C2orf72: variants seen among roughly 807,000 people sequenced by gnomAD.
The protein encoded by C2orf72 is chromosome 2 open reading frame 72, also known as uncharacterized protein C2orf72.
Under a neutral mutation model 14.4 loss-of-function variants are expected in C2orf72, and 16 were observed. The observed-to-expected ratio is 1.11, with a 90% confidence interval of 0.75 to 1.69. C2orf72 has a LOEUF of 1.69. Among genes scored for constraint, C2orf72 ranks in the 40% most tolerant of loss-of-function variants. The pLI, the probability that C2orf72 is intolerant of heterozygous loss-of-function variation, is 0.00. For synonymous variants in C2orf72, 168 were observed against 176.8 expected (o/e 0.95, Z 0.40); for missense variants, 371 against 358.3 (o/e 1.04, Z -0.29).
rs1218835248 is a variant in C2orf72, at chr2:231,037,907, G to A, written c.342G>A (p.Ser114=). The A allele has an allele frequency of 9.8e-7, 1 of 1,023,734 alleles. No homozygotes were observed. Among genetic ancestry groups the A allele is most frequent in the Non-Finnish European group, 1.2e-6 (1 of 856,662 alleles). The allele number at this position is 1,023,734 out of a possible 1,614,324, so 63.4% of individuals were successfully genotyped here. The change falls in exon 1 of 3, where the codon TCG becomes TCA. Residue 114 remains serine (S), a synonymous_variant. Transcript: ENST00000373640. ...TGGTCTTCGTGCTGTGCCGCGCGTCGTCGCTGGCCGCCCGGGAGCCGCGGC... is the reference window on the plus strand; with the variant it reads ...TGGTCTTCGTGCTGTGCCGCGCGTCATCGCTGGCCGCCCGGGAGCCGCGGC... ...SPLVFVLCRA[S]SLAAREPRRR...
At chr2:231,041,673 G>A (rs922539129) in intron 2 of C2orf72, among the ~76,000 whole-genome samples, 1 of 152,038 alleles carries the variant, frequency 6.6e-6, no homozygotes, top group Non-Finnish European at 1.5e-5. Flanking sequence ...GTCTCCAGGA[G>A]CATGGTGGGG....
chr2:231,042,571 GC>G (rs766362784), intron 2 of C2orf72, among the ~76,000 whole-genome samples: 1 of 152,326 alleles, frequency 6.6e-6, no homozygotes, highest in Non-Finnish European at 1.5e-5. Context: ...AATGCACACA[GC>G]CCATCCCAAA....
Position 231,037,556 on chromosome 2 carries a change from G to A in C2orf72, c.-10G>A. On this transcript the variant is annotated 5_prime_UTR_variant, in exon 1 of 3. Coordinates refer to ENST00000373640, the MANE Select transcript of C2orf72 (RefSeq NM_001144994.2). ...GCCGCGGCGGCCGCAGAGGGCGGGC[G>A]GCGGCCAGCATGGAGCGCGAGCTGG... The A allele has an allele frequency of 5.9e-6, 6 of 1,010,250 alleles. No individual in the cohort carries two copies. Among genetic ancestry groups the A allele is most frequent in the Non-Finnish European group, 7.1e-6 (6 of 848,284 alleles). 62.6% of individuals were successfully genotyped at this position (1,010,250 alleles called of 1,614,324 possible).
In C2orf72 at chr2:231,047,554, A is replaced by ATG. The variant is rs780462466; in HGVS notation, c.*543_*544dup. 2 of 270,826 alleles carry ATG rather than the reference A, an allele frequency of 7.4e-6. No individual in the cohort carries two copies. Among genetic ancestry groups the ATG allele is most frequent in the Admixed American group, 4.8e-5 (1 of 20,896 alleles). The allele number at this position is 270,826 out of a possible 1,614,324, so 16.8% of individuals were successfully genotyped here. A position where few individuals can be genotyped will look rare whatever the true frequency, so the allele number is the denominator to read the frequency against. ...GTTGTCCCTCCAGGCAGCATTGGAA[A>ATG]TGTGTGTGTGTTGAGGGGGTCACAG... On this transcript the variant is annotated 3_prime_UTR_variant, in exon 3 of 3. Transcript: ENST00000373640.
intron 2 of C2orf72, among the ~76,000 whole-genome samples, chr2:231,043,515 G>C (rs1016996158): frequency 1.8e-4 from 28 of 151,936 alleles, no homozygotes; most frequent in Admixed American, 2.6e-4. Flanking sequence ...CTCTCCTTGT[G>C]CTCTTTAAAA....
At chr2:231,040,362 C>G (rs1336434406) in intron 1 of C2orf72, among the ~76,000 whole-genome samples, 1 of 152,220 alleles carries the variant, frequency 6.6e-6, no homozygotes. Context: ...TGAATGAATC[C>G]TCCCTTCCTT....
rs1184247074 is a variant in C2orf72 at position 231,048,018 on chromosome 2, T to C, written c.*997T>C. 6.6e-6 allele frequency: 1 copy of C among 152,284 alleles called. No homozygotes were observed. The highest frequency in any genetic ancestry group is 1.9e-4 in the East Asian group (1 of 5,202). The allele number at this position is 152,284 out of a possible 1,614,324, so 9.4% of individuals were successfully genotyped here. On this transcript the variant is annotated 3_prime_UTR_variant, in exon 3 of 3. Coordinates refer to ENST00000373640, the MANE Select transcript of C2orf72 (RefSeq NM_001144994.2). ...TTGGACTACTGGGTATAGGACTTGCTCTAGCTCTCAGGTCCTAGCCCAAGC... is the reference window on the plus strand; with the variant it reads ...TTGGACTACTGGGTATAGGACTTGCCCTAGCTCTCAGGTCCTAGCCCAAGC...
Position 231,046,922 on chromosome 2 carries a change from CAT to C in C2orf72, c.792_793del (p.Phe265SerfsTer6). The C allele has an allele frequency of 2.6e-6, 4 of 1,551,656 alleles. No homozygotes were observed. The South Asian group carries it at 4.8e-5, about 18-fold the overall frequency. On this transcript the variant is annotated frameshift_variant, in exon 3 of 3. Coordinates refer to ENST00000373640, the MANE Select transcript of C2orf72 (RefSeq NM_001144994.2). LOFTEE classifies it low-confidence loss of function (END_TRUNC). ...CTGAGGAGGAGCTGCCACTAACAGC[CAT>C]ATTTCCCAATGGAGACTGTGATGAC... is the stretch of plus-strand genomic sequence containing the variant. ...EPEEELPLTA[I>X]FPNGDCDDLG...
chr2:231,041,397 A>G lies in C2orf72; in HGVS notation c.736A>G (p.Ser246Gly). ...RKNQDVAACR[S>G]SAQEDFQEPE... is the part of the protein sequence containing the mutation. ...GAACCAGGATGTTGCTGCCTGCAGAAGCTCAGCTCAGGGTGAGTGCTCCCC... is the reference window on the plus strand; with the variant it reads ...GAACCAGGATGTTGCTGCCTGCAGAGGCTCAGCTCAGGGTGAGTGCTCCCC... Residue 246 changes from serine (S) to glycine (G), a missense_variant, in exon 2 of 3, where the codon AGC (serine) becomes GGC (glycine). By Grantham distance (56) the Ser-to-Gly change is moderately conservative. Transcript: ENST00000373640. 6 of 1,551,164 alleles carry G rather than the reference A, an allele frequency of 3.9e-6. No homozygotes were observed. The highest frequency in any genetic ancestry group is 4.4e-6 in the Non-Finnish European group (5 of 1,146,748).
Position 231,047,568 on chromosome 2 carries a change from AG to A in C2orf72, c.*552del. ...CAGCATTGGAAATGTGTGTGTGTTG[AG>A]GGGGTCACAGTGACTGTGGGGGCAC... On this transcript the variant is annotated 3_prime_UTR_variant, in exon 3 of 3. Coordinates refer to ENST00000373640, the MANE Select transcript of C2orf72 (RefSeq NM_001144994.2). 4.0e-6 allele frequency: 1 copy of A among 249,850 alleles called. No homozygotes were observed. The highest frequency in any genetic ancestry group is 8.0e-6 in the Non-Finnish European group (1 of 124,546). 15.5% of individuals were successfully genotyped at this position (249,850 alleles called of 1,614,324 possible). A position where few individuals can be genotyped will look rare whatever the true frequency, so the allele number is the denominator to read the frequency against.
At chr2:231,044,362 G>A (rs1194356497) in intron 2 of C2orf72, among the ~76,000 whole-genome samples, 1 of 151,640 alleles carries the variant, frequency 6.6e-6, no homozygotes, top group Non-Finnish European at 1.5e-5. Flanking sequence ...TGATTTTTTG[G>A]CCAGGCATGA....
rs557992405 is a variant in C2orf72, at chr2:231,038,458, G to T, written c.634+259G>T. ...GCTGAGGGGCCGAGTAGAAGGCAGAGGGAGTGGGTAGAGAGAAGGGATGAA... is the reference window on the plus strand; with the variant it reads ...GCTGAGGGGCCGAGTAGAAGGCAGATGGAGTGGGTAGAGAGAAGGGATGAA... On this transcript the variant is annotated intron_variant, in intron 1 of 2. Coordinates refer to ENST00000373640, the MANE Select transcript of C2orf72 (RefSeq NM_001144994.2). Among the ~76,000 whole-genome samples the T allele has an allele frequency of 1.7e-3, 251 of 151,458 alleles. 2 individuals carry two copies. The highest frequency in any genetic ancestry group is 6.0e-3 in the African/African-American group (247 of 41,268).
chr2:231,038,805 T>A (rs1693297494), intron 1 of C2orf72, among the ~76,000 whole-genome samples: 1 of 152,110 alleles, frequency 6.6e-6, no homozygotes, highest in East Asian at 1.9e-4. Flanking sequence ...GTACATTTTC[T>A]ATTGATTTCT....
intron 1 of C2orf72, 51 bp from the exon 2 acceptor site, chr2:231,041,245 G>T (rs1025570398): frequency 7.6e-7 from 1 of 1,320,944 alleles, no homozygotes; most frequent in Admixed American, 2.3e-5. Context: ...TCTCAGTCTT[G>T]TGAAGTGGGA....
intron 2 of C2orf72, among the ~76,000 whole-genome samples, chr2:231,044,367 G>C (rs533970924): frequency 1.3e-5 from 2 of 151,984 alleles, no homozygotes; most frequent in Non-Finnish European, 2.9e-5. Flanking sequence ...TTTTGGCCAG[G>C]CATGATGGCG....
chr2:231,044,874 T>C (rs1693390330), intron 2 of C2orf72, among the ~76,000 whole-genome samples: 1 of 149,502 alleles, frequency 6.7e-6, no homozygotes, highest in Admixed American at 6.7e-5. Context: ...TTGAAGGGCT[T>C]GCCTGAGGCA....
At position 231,037,764 on chromosome 2, in the gene C2orf72, G is replaced by A. The variant is rs1019890131; in HGVS notation, c.199G>A (p.Gly67Ser). 6.0e-6 allele frequency: 6 copies of A among 992,768 alleles called. No individual in the cohort carries two copies. The African/African-American group carries it at 7.1e-5, about 12-fold the overall frequency. The allele number at this position is 992,768 out of a possible 1,614,324, so 61.5% of individuals were successfully genotyped here. A position where few individuals can be genotyped will look rare whatever the true frequency, so the allele number is the denominator to read the frequency against. ...FPPEPGAAKPGGAAAEGAGPG... is the reference protein window; with the variant it reads ...FPPEPGAAKPSGAAAEGAGPG... ...GCCGGAGCCAGGCGCGGCCAAGCCG[G>A]GCGGCGCGGCGGCAGAGGGCGCGGG... Residue 67 changes from glycine to serine, a missense_variant, in exon 1 of 3, where the codon GGC becomes AGC. Around this residue, in one of 3 missense-constraint regions of C2orf72, gnomAD observed 214 missense variants for 178.7 expected, o/e 1.20. Coordinates refer to ENST00000373640, the MANE Select transcript of C2orf72 (RefSeq NM_001144994.2).
Position 231,038,126 on chromosome 2 carries a change from C to G in C2orf72, c.561C>G (p.Gly187=). The change falls in exon 1 of 3, where the codon GGC becomes GGG. Residue 187 remains glycine (G), a synonymous_variant. Coordinates refer to ENST00000373640, the MANE Select transcript of C2orf72 (RefSeq NM_001144994.2). ...GPVQAAAYCP[G]LPASCLAVQA... is the part of the protein sequence containing the mutation. ...TGCAGGCGGCCGCCTACTGCCCCGG[C>G]CTCCCGGCCTCCTGCCTGGCCGTCC... 1 of 1,177,272 alleles carries G rather than the reference C, an allele frequency of 8.5e-7. No homozygotes were observed. Among genetic ancestry groups the G allele is most frequent in the South Asian group, 4.2e-5 (1 of 23,886 alleles). 72.9% of individuals were successfully genotyped at this position (1,177,272 alleles called of 1,614,324 possible).
rs111794793 is a variant in C2orf72, at chr2:231,041,112, A to T, written c.635-184A>T. 1,248 of 534,694 alleles carry T rather than the reference A, an allele frequency of 2.3e-3. 16 individuals are homozygous for T. Among genetic ancestry groups the T allele is most frequent in the African/African-American group, 0.022 (1,130 of 52,058 alleles). 33.1% of individuals were successfully genotyped at this position (534,694 alleles called of 1,614,324 possible). On this transcript the variant is annotated intron_variant, in intron 1 of 2. Coordinates refer to ENST00000373640, the MANE Select transcript of C2orf72 (RefSeq NM_001144994.2). ...AGATAACATAGATAAAAGTAAAGCAATCATTTTTAAAGTTCGGTTTTAAAA... is the reference window on the plus strand; with the variant it reads ...AGATAACATAGATAAAAGTAAAGCATTCATTTTTAAAGTTCGGTTTTAAAA...
Sources: allele counts gnomAD v4.1 joint callset (sites outside exome capture counted in the v4.1 genomes callset), GRCh38; gene constraint gnomAD v4.1.1; regional missense constraint gnomAD v4.1.1; transcripts MANE v1.5; gene names NCBI Gene and HGNC (gene_info 2026-07-23, HGNC 2026-07-21).